Variants in FOXK2 observed in about 807,000 individuals in gnomAD.
FOXK2 encodes forkhead box protein K2.
A neutral mutation model predicts 53.3 loss-of-function variants in FOXK2; 24 were observed. That is an observed-to-expected ratio of 0.45 (90% confidence interval 0.33 to 0.63). The LOEUF is 0.63. Among genes scored for constraint, FOXK2 ranks in the 30% least tolerant of loss-of-function variants. FOXK2 has a pLI of 0.03. For missense variants in FOXK2, 952 were observed against 910.5 expected (o/e 1.05, Z -0.59); for synonymous variants, 505 against 407.1 (o/e 1.24, Z -2.89).
chr17:82,563,828 T>G (rs1193009307), intron 2 of FOXK2, among the ~76,000 whole-genome samples: 4 of 149,326 alleles, frequency 2.7e-5, no homozygotes, highest in Non-Finnish European at 5.9e-5. Context: ...CTTGGCTCAC[T>G]GCAACCTCTG....
At chr17:82,521,672 C>G (rs1345392220) in intron 1 of FOXK2, among the ~76,000 whole-genome samples, 2 of 150,188 alleles carry the variant, frequency 1.3e-5, no homozygotes, top group African/African-American at 4.9e-5. Context: ...TGGCTCACGC[C>G]TGTAATCCCA....
intron 8 of FOXK2, among the ~76,000 whole-genome samples, chr17:82,597,117 C>T (rs1451648805): frequency 3.3e-5 from 5 of 152,218 alleles, no homozygotes; most frequent in African/African-American, 4.8e-5. Context: ...GTAACACACC[C>T]GTGTCGACAC....
chr17:82,602,530 A>G lies in FOXK2; in HGVS notation c.*1031A>G, dbSNP rs2143192233. ...GTATTTGGGGTGTCCCTCCGGCTCT[A>G]GGCGGCCTCTGACCTGCTGTCTACT... On this transcript the variant is annotated 3_prime_UTR_variant, in exon 9 of 9. Transcript: ENST00000335255. The G allele has an allele frequency of 6.6e-6, 1 of 152,378 alleles. No individual in the cohort carries two copies. The highest frequency in any genetic ancestry group is 1.5e-5 in the Non-Finnish European group (1 of 68,060). The allele number at this position is 152,378 out of a possible 1,614,324, so 9.4% of individuals were successfully genotyped here. A position where few individuals can be genotyped will look rare whatever the true frequency, so the allele number is the denominator to read the frequency against.
chr17:82,568,153 C>T lies in FOXK2; in HGVS notation c.714C>T (p.Asn238=), dbSNP rs372232876. ...CTGACCTCAATTTAATGGCTGACAA[C>T]TCACAGCCTGAAAATGAAAAGGAAG... ...MPSDLNLMAD[N]SQPENEKEAS... is the part of the protein sequence containing the mutation. Residue 238 remains asparagine, a synonymous_variant, in exon 3 of 9, where the codon AAC becomes AAT. Transcript: ENST00000335255. 8.7e-6 allele frequency: 14 copies of T among 1,613,728 alleles called. No individual in the cohort carries two copies. The highest frequency in any genetic ancestry group is 1.7e-5 in the Admixed American group (1 of 60,006).
intron 1 of FOXK2, among the ~76,000 whole-genome samples, chr17:82,559,188 C>T (rs2044765807): frequency 6.6e-6 from 1 of 152,214 alleles, no homozygotes; most frequent in Non-Finnish European, 1.5e-5. Flanking sequence ...GCTACTGAGC[C>T]TGGCTTAGTA....
At chr17:82,586,410 AAGGAGGAGAGGGGAGACCACAGGGAGG>A in intron 7 of FOXK2, among the ~76,000 whole-genome samples, 1 of 126,688 alleles carries the variant, frequency 7.9e-6, no homozygotes, top group Non-Finnish European at 1.6e-5. Flanking sequence ...GCGGGGGGGA[AAGGAGGAGAGGGGAGACCACAGGGAGG>A]TCAAAGGTGG....
chr17:82,545,516 G>C (rs1194059405), intron 1 of FOXK2, among the ~76,000 whole-genome samples: 4 of 151,818 alleles, frequency 2.6e-5, no homozygotes, highest in African/African-American at 9.7e-5. Context: ...ATTTTATTTG[G>C]GGCTATTATG....
chr17:82,576,601 G>C (rs2044989307), intron 4 of FOXK2: 2 of 980,836 alleles, frequency 2.0e-6, no homozygotes, highest in Non-Finnish European at 3.2e-6. Flanking sequence ...TCATTGGCTG[G>C]AGGGAGGACC....
rs749997742 is a variant in FOXK2 at position 82,568,232 on chromosome 17, T to G, written c.762+31T>G. 16 of 1,609,450 alleles carry G rather than the reference T, an allele frequency of 9.9e-6. No individual in the cohort carries two copies. The East Asian group carries it at 3.4e-4, about 34-fold the overall frequency. ...GGCTTTGTAGCCTTGAAGCAGCCCCTGGGGGACAGTGTGTAGCCACAGGGC... is the reference window on the plus strand; with the variant it reads ...GGCTTTGTAGCCTTGAAGCAGCCCCGGGGGGACAGTGTGTAGCCACAGGGC... On this transcript the variant is annotated intron_variant, in intron 3 of 8. Coordinates refer to ENST00000335255, the MANE Select transcript of FOXK2 (RefSeq NM_004514.4).
chr17:82,564,435 TG>T, intron 2 of FOXK2, among the ~76,000 whole-genome samples: 1 of 151,954 alleles, frequency 6.6e-6, no homozygotes, highest in Admixed American at 6.6e-5. Context: ...GGATTCTGGC[TG>T]TGTTGCCCAG....
chr17:82,546,113 G>GTTTTTTTTTTT (rs1282305641), intron 1 of FOXK2, among the ~76,000 whole-genome samples: 1 of 97,968 alleles, frequency 1.0e-5, no homozygotes, highest in Admixed American at 1.2e-4. Flanking sequence ...AAGCATGGTT[G>GTTTTTTTTTTT]GTTTTTTTTT....
intron 1 of FOXK2, 102 bp downstream of exon 1, chr17:82,520,409 G>A (rs1025038381): frequency 1.3e-4 from 128 of 1,017,314 alleles, no homozygotes; most frequent in South Asian, 2.0e-4. Context: ...ACGAGCGGGG[G>A]CCCGACTCTC....
At chr17:82,533,526 G>GT (rs1293088739) in intron 1 of FOXK2, among the ~76,000 whole-genome samples, 4 of 151,964 alleles carry the variant, frequency 2.6e-5, no homozygotes, top group African/African-American at 9.7e-5. Context: ...TACATAACCA[G>GT]TAACTGTCAT....
chr17:82,573,562 TCACACACACA>T (rs1019671658), intron 4 of FOXK2, among the ~76,000 whole-genome samples: 1,633 of 83,334 alleles, frequency 0.02, 15 homozygotes, highest in Non-Finnish European at 0.025. Context: ...TCTCTCTCTC[TCACACACACA>T]CACACACACA....
intron 8 of FOXK2, 97 bp from the exon 9 acceptor site, chr17:82,601,206 G>T (rs2045378595): frequency 1.6e-6 from 2 of 1,286,830 alleles, no homozygotes. Context: ...GAGAGCGTGG[G>T]GTTCTGACTC....
chr17:82,584,351 G>A (rs944461258), intron 6 of FOXK2, among the ~76,000 whole-genome samples, 163 bp downstream of exon 6: 1 of 152,006 alleles, frequency 6.6e-6, no homozygotes, highest in Non-Finnish European at 1.5e-5. Context: ...AGCACTGGGA[G>A]TGTTTTTTAA....
intron 4 of FOXK2, among the ~76,000 whole-genome samples, chr17:82,581,601 G>A (rs1243965619): frequency 1.3e-5 from 2 of 150,814 alleles, no homozygotes; most frequent in East Asian, 2.0e-4. Context: ...TCAGCCTCCC[G>A]AGCAACTGGG....
At chr17:82,585,826 T>G (rs2143113722) in intron 6 of FOXK2, 78 bp from the exon 7 acceptor site, 1 of 1,429,538 alleles carries the variant, frequency 7.0e-7, no homozygotes, top group East Asian at 2.4e-5. Flanking sequence ...GTATGTTGCT[T>G]GTCAGTGCTG....
chr17:82,524,806 AGT>A, intron 1 of FOXK2, among the ~76,000 whole-genome samples: 1 of 152,276 alleles, frequency 6.6e-6, no homozygotes, highest in East Asian at 1.9e-4. Flanking sequence ...GCAGTGAGCC[AGT>A]GGAGGTTGCC....
Sources: allele counts gnomAD v4.1 joint callset (sites outside exome capture counted in the v4.1 genomes callset), GRCh38; gene constraint gnomAD v4.1.1; transcripts MANE v1.5; gene names NCBI Gene and HGNC (gene_info 2026-07-23, HGNC 2026-07-21).